FBXL13: variants seen among roughly 807,000 people sequenced by gnomAD.
FBXL13 encodes F-box and leucine-rich repeat protein 13.
FBXL13 carries 67 observed loss-of-function variants against 83.6 expected under a neutral mutation model. The observed-to-expected ratio is 0.80, with a 90% CI of 0.66 to 0.98. The LOEUF (loss-of-function observed/expected upper bound fraction) is 0.98. FBXL13 is among the 50% of genes least tolerant of loss of function. The pLI is 0.00. For synonymous variants in FBXL13, 272 were observed against 299.5 expected, an observed-to-expected ratio of 0.91 and a Z score of 0.95; for missense variants, 822 against 866.5, an observed-to-expected ratio of 0.95 and a Z score of 0.64.
intron 4 of FBXL13, 148 bp from the exon 6 acceptor site, chr7:103,027,706 A>C: frequency 2.0e-6 from 1 of 493,770 alleles, no homozygotes; most frequent in Non-Finnish European, 3.5e-6. Context: ...GAAATTAATT[A>C]CTTTTGATAG....
At chr7:102,926,810 C>T (rs1193392152) in intron 9 of FBXL13, among the ~76,000 whole-genome samples, 1 of 152,156 alleles carries the variant, frequency 6.6e-6, no homozygotes, top group Non-Finnish European at 1.5e-5. Flanking sequence ...TAGTAACAGT[C>T]CATATTTATA....
intron 6 of FBXL13, among the ~76,000 whole-genome samples, chr7:102,994,779 G>A (rs1432278834): frequency 1.3e-5 from 2 of 152,130 alleles, no homozygotes; most frequent in Admixed American, 1.3e-4. Context: ...GCTTCTGATT[G>A]GTCAGTGCAG....
intron 10 of FBXL13, among the ~76,000 whole-genome samples, chr7:102,924,664 T>C (rs1817717656): frequency 7.3e-6 from 1 of 136,342 alleles, no homozygotes; most frequent in Non-Finnish European, 1.6e-5. Context: ...TTTTTTGAGA[T>C]GGGGTCTCGC....
chr7:102,912,974 A>G, intron 11 of FBXL13, 112 bp downstream of exon 12: 1 of 1,390,632 alleles, frequency 7.2e-7, no homozygotes, highest in South Asian at 1.5e-5. Flanking sequence ...AAACCTCTGA[A>G]AAGTGTGCTG....
intron 8 of FBXL13, chr7:102,934,370 CCT>C (rs1362148028): frequency 1.9e-6 from 3 of 1,614,148 alleles, no homozygotes; most frequent in Non-Finnish European, 2.5e-6. Flanking sequence ...CATTTACACA[CCT>C]CTCTTGAGCT....
chr7:102,998,343 G>A (rs2129485296), intron 6 of FBXL13, among the ~76,000 whole-genome samples: 1 of 152,114 alleles, frequency 6.6e-6, no homozygotes, highest in Non-Finnish European at 1.5e-5. Context: ...CTATTCTGTT[G>A]GTGGCCTCTT....
chr7:102,932,259 TTTTTTA>T (rs1375827437), intron 8 of FBXL13, among the ~76,000 whole-genome samples: 1 of 152,244 alleles, frequency 6.6e-6, no homozygotes, highest in South Asian at 2.1e-4. Context: ...TTGTGCCTGC[TTTTTTA>T]TTTTTTTGTT....
intron 16 of FBXL13, among the ~76,000 whole-genome samples, chr7:102,874,995 C>T (rs959550384): frequency 1.3e-5 from 2 of 152,212 alleles, no homozygotes; most frequent in Non-Finnish European, 2.9e-5. Flanking sequence ...TCCATTCAGT[C>T]AACAAATATT....
chr7:102,944,263 C>A (rs1343069989), intron 8 of FBXL13: 2 of 1,612,744 alleles, frequency 1.2e-6, no homozygotes, highest in Non-Finnish European at 1.7e-6. Flanking sequence ...AAACAACAGT[C>A]TGCAAAACTT....
At chr7:102,937,889 T>C (rs1169545123) in intron 8 of FBXL13, among the ~76,000 whole-genome samples, 1 of 152,188 alleles carries the variant, frequency 6.6e-6, no homozygotes, top group Non-Finnish European at 1.5e-5. Context: ...AGAACTTGCA[T>C]ACAGATTCCC....
chr7:102,814,541 A>T (rs1457307955), intron 19 of FBXL13: 2 of 152,370 alleles, frequency 1.3e-5, no homozygotes, highest in South Asian at 2.1e-4. Context: ...AAATAATTGT[A>T]ACCAAACTTA....
At chr7:102,837,582 G>T (rs1048650620) in intron 17 of FBXL13, among the ~76,000 whole-genome samples, 2 of 152,172 alleles carry the variant, frequency 1.3e-5, no homozygotes, top group African/African-American at 4.8e-5. Flanking sequence ...TTTTGACAGG[G>T]TCCTGCTCTG....
chr7:102,991,015 A>C (rs1302395076), intron 6 of FBXL13, among the ~76,000 whole-genome samples: 1 of 152,222 alleles, frequency 6.6e-6, no homozygotes, highest in East Asian at 1.9e-4. Context: ...TCTGGTGGAC[A>C]AATGAAAAAT....
intron 8 of FBXL13, among the ~76,000 whole-genome samples, chr7:102,957,294 C>G (rs1824433411): frequency 6.6e-6 from 1 of 152,198 alleles, no homozygotes; most frequent in South Asian, 2.1e-4. Context: ...AAAGGATTCC[C>G]TATTTAATAA....
At chr7:102,894,152 C>T (rs1811964918) in intron 11 of FBXL13, among the ~76,000 whole-genome samples, 1 of 152,090 alleles carries the variant, frequency 6.6e-6, no homozygotes, top group African/African-American at 2.4e-5. Flanking sequence ...AACACAAATC[C>T]CAGGGGTGAA....
chr7:102,824,256 A>G (rs992501176), intron 18 of FBXL13, among the ~76,000 whole-genome samples: 1 of 152,238 alleles, frequency 6.6e-6, no homozygotes, highest in African/African-American at 2.4e-5. Flanking sequence ...CAACACAACT[A>G]CTTTTGATTC....
intron 8 of FBXL13, among the ~76,000 whole-genome samples, chr7:102,958,632 ACT>A (rs1444558410): frequency 1.3e-5 from 2 of 151,928 alleles, no homozygotes; most frequent in Middle Eastern, 3.2e-3. Flanking sequence ...TATTTTATTA[ACT>A]TTTTATTACT....
At chr7:102,914,465 C>T (rs1195761681) in intron 10 of FBXL13, among the ~76,000 whole-genome samples, 4 of 152,162 alleles carry the variant, frequency 2.6e-5, no homozygotes, top group Non-Finnish European at 4.4e-5. Context: ...TATGCAACAG[C>T]TTAATAGCAA....
intron 5 of FBXL13, among the ~76,000 whole-genome samples, 191 bp from the exon 7 acceptor site, chr7:103,025,421 A>G (rs533445554): frequency 2.0e-5 from 3 of 152,338 alleles, no homozygotes; most frequent in African/African-American, 7.2e-5. Flanking sequence ...AGTATTACAG[A>G]TCATTTCCAT....
Sources: gnomAD v4.1 joint callset for allele counts (sites outside exome capture counted in the v4.1 genomes callset) on GRCh38, gnomAD v4.1.1 for gene constraint, MANE v1.5 for transcripts, NCBI Gene and HGNC (gene_info 2026-07-23, HGNC 2026-07-21) for gene names.